Variants in ADGRL2 observed in about 807,000 individuals in gnomAD.
The protein encoded by ADGRL2 is calcium-independent alpha-latrotoxin receptor 2.
A neutral mutation model predicts 157.4 loss-of-function variants in ADGRL2; 44 were observed. That is an observed-to-expected ratio of 0.28 (90% confidence interval 0.22 to 0.36). The LOEUF (loss-of-function observed/expected upper bound fraction) is 0.36, where lower values mean the gene tolerates loss of function less well. Ranked by LOEUF, ADGRL2 falls within the 10% of genes least tolerant of loss-of-function variation. The pLI is 1.00. For synonymous variants in ADGRL2, 585 were observed against 624.7 expected, an observed-to-expected ratio of 0.94 and a Z score of 0.95; for missense variants, 1,510 against 1,768.9, an observed-to-expected ratio of 0.85 and a Z score of 2.63.
At chr1:81,653,055 G>A (rs2082453909) in intron 3 of ADGRL2, among the ~76,000 whole-genome samples, 1 of 152,052 alleles carries the variant, frequency 6.6e-6, no homozygotes, top group African/African-American at 2.4e-5. Flanking sequence ...TGTGGTCTCT[G>A]TAACTCCTTT....
intron 1 of ADGRL2, among the ~76,000 whole-genome samples, chr1:81,370,133 T>C (rs918399623): frequency 6.6e-6 from 1 of 152,030 alleles, no homozygotes; most frequent in Non-Finnish European, 1.5e-5. Flanking sequence ...GGAGGGGAAC[T>C]GCCAGAAAAA....
chr1:81,342,695 T>C (rs1662161966), intron 1 of ADGRL2, among the ~76,000 whole-genome samples: 1 of 152,170 alleles, frequency 6.6e-6, no homozygotes, highest in Admixed American at 6.5e-5. Flanking sequence ...ATACACATAT[T>C]AAGTATCTTA....
intron 1 of ADGRL2, among the ~76,000 whole-genome samples, chr1:81,737,014 T>G (rs562081109): frequency 2.0e-5 from 3 of 152,148 alleles, no homozygotes; most frequent in African/African-American, 7.2e-5. Flanking sequence ...TTTTGTATTT[T>G]TAGTAGAGGT....
rs567759142 is a variant in ADGRL2 at position 81,722,162 on chromosome 1, A to G, written c.-143+22354A>G. On this transcript the variant is annotated intron_variant, in intron 1 of 20. Transcript: ENST00000359929. ...TAAAAAATTAGCCGGGAGCGGTGGC[A>G]GGCGCCTGTAGTCCCAGCTGCTCGG... Among the ~76,000 whole-genome samples the G allele has an allele frequency of 9.2e-5, 14 of 152,174 alleles. No individual in the cohort carries two copies. In the East Asian group the frequency reaches 1.6e-3, roughly 17 times the overall value.
chr1:81,623,324 G>T (rs1211118700), intron 3 of ADGRL2, among the ~76,000 whole-genome samples: 2 of 152,210 alleles, frequency 1.3e-5, no homozygotes, highest in Non-Finnish European at 2.9e-5. Flanking sequence ...GAGCATAAGT[G>T]TGATAGAAGA....
chr1:81,761,183 A>C (rs958558958), intron 1 of ADGRL2, among the ~76,000 whole-genome samples: 1 of 151,996 alleles, frequency 6.6e-6, no homozygotes, highest in South Asian at 2.1e-4. Context: ...TCTTGGGAAT[A>C]ATGATTCCAA....
At position 81,981,918 on chromosome 1, in the gene ADGRL2, T is replaced by A; in HGVS notation, c.3224T>A (p.Ile1075Lys). The part of the protein sequence containing the change: ...ETIVMAYLFT[I>K]FNAFQGVFIF... ...ATTGTGATGGCATATCTCTTCACTATATTTAATGCTTTCCAGGGAGTGTTC... is the reference window on the plus strand; with the variant it reads ...ATTGTGATGGCATATCTCTTCACTAAATTTAATGCTTTCCAGGGAGTGTTC... The change falls in exon 19 of 24, where the codon ATA becomes AAA. Residue 1075 changes from isoleucine to lysine, a missense_variant. Ile to Lys is a moderately radical substitution (Grantham distance 102). Coordinates refer to ENST00000686636, the MANE Select transcript of ADGRL2 (RefSeq NM_001366006.2). 6.2e-7 allele frequency: 1 copy of A among 1,612,434 alleles called. No homozygotes were observed. Among genetic ancestry groups the A allele is most frequent in the Admixed American group, 1.7e-5 (1 of 59,846 alleles).
At chr1:81,986,838 C>T (rs2149498766) in intron 21 of ADGRL2, 63 bp from the exon 22 acceptor site, 3 of 1,532,702 alleles carry the variant, frequency 2.0e-6, no homozygotes, top group Non-Finnish European at 2.7e-6. Context: ...ACAACTGTAA[C>T]ACTAAAATAA....
At position 81,862,369 on chromosome 1, in the gene ADGRL2, G is replaced by T. The variant is rs1000266501; in HGVS notation, c.73+25312G>T. ...CAACCCCTTTTAGGGCATAGCTCTTGCTACCCTTTTAATTTGTGGCCTATA... is the reference window on the plus strand; with the variant it reads ...CAACCCCTTTTAGGGCATAGCTCTTTCTACCCTTTTAATTTGTGGCCTATA... On this transcript the variant is annotated intron_variant, in intron 2 of 23. Transcript: ENST00000686636. 3.9e-5 allele frequency among the ~76,000 whole-genome samples: 6 copies of T among 152,188 alleles called. No individual in the cohort carries two copies. In the East Asian group the frequency reaches 1.2e-3, roughly 29 times the overall value.
chr1:81,398,467 T>C (rs1389326336), intron 1 of ADGRL2, among the ~76,000 whole-genome samples: 1 of 152,180 alleles, frequency 6.6e-6, no homozygotes, highest in Non-Finnish European at 1.5e-5. Context: ...TCTCTATCGA[T>C]CTGCTCTACC....
At chr1:81,866,490 T>A (rs180893903) in intron 2 of ADGRL2, among the ~76,000 whole-genome samples, 1 of 152,278 alleles carries the variant, frequency 6.6e-6, no homozygotes, top group East Asian at 1.9e-4. Context: ...GTTCAATGGA[T>A]GAATACAACT....
At chr1:81,948,530 C>T (rs1650680179) in intron 6 of ADGRL2, among the ~76,000 whole-genome samples, 3 of 152,156 alleles carry the variant, frequency 2.0e-5, no homozygotes, top group African/African-American at 7.2e-5. Context: ...TTCCCGACTC[C>T]CCTTTAAGAC....
chr1:81,559,801 T>C (rs1021624652), intron 2 of ADGRL2, among the ~76,000 whole-genome samples: 1 of 152,192 alleles, frequency 6.6e-6, no homozygotes, highest in African/African-American at 2.4e-5. Context: ...CAGGAGCATC[T>C]TCAGATTGTG....
chr1:81,371,388 A>C (rs2076157856), intron 1 of ADGRL2, among the ~76,000 whole-genome samples: 1 of 152,224 alleles, frequency 6.6e-6, no homozygotes. Flanking sequence ...GATGATAAGG[A>C]AAGAAAAGTA....
At chr1:81,900,885 A>T (rs530709725) in intron 2 of ADGRL2, among the ~76,000 whole-genome samples, 2 of 152,262 alleles carry the variant, frequency 1.3e-5, no homozygotes, top group African/African-American at 4.8e-5. Flanking sequence ...ATGCAGACAG[A>T]GGTGATATCT....
chr1:81,373,236 T>C (rs2076191080), intron 1 of ADGRL2, among the ~76,000 whole-genome samples: 1 of 152,206 alleles, frequency 6.6e-6, no homozygotes, highest in Admixed American at 6.5e-5. Flanking sequence ...CCTGCTTTAG[T>C]CCTCTAAGAT....
intron 3 of ADGRL2, among the ~76,000 whole-genome samples, chr1:81,647,145 C>A (rs1278075384): frequency 3.9e-5 from 6 of 152,166 alleles, no homozygotes. Context: ...CTATCTGAAT[C>A]TAAAATCTAG....
At chr1:81,396,756 C>T (rs2076662195) in intron 1 of ADGRL2, among the ~76,000 whole-genome samples, 1 of 151,988 alleles carries the variant, frequency 6.6e-6, no homozygotes, top group African/African-American at 2.4e-5. Context: ...ATTATTTATC[C>T]TGTTTATGTG....
chr1:81,955,272 T>TA (rs1315620684), intron 10 of ADGRL2, among the ~76,000 whole-genome samples: 1 of 152,172 alleles, frequency 6.6e-6, no homozygotes, highest in Non-Finnish European at 1.5e-5. Context: ...AAGTGTTTTT[T>TA]AGCTGGACAG....
Sources: allele counts gnomAD v4.1 joint callset (sites outside exome capture counted in the v4.1 genomes callset), GRCh38; gene constraint gnomAD v4.1.1; transcripts MANE v1.5; gene names NCBI Gene and HGNC (gene_info 2026-07-23, HGNC 2026-07-21).